The following EML6 variants were observed in gnomAD, a reference collection of about 807,000 sequenced individuals.
EML6 encodes the protein echinoderm microtubule-associated protein-like 6.
Under a neutral mutation model 240.1 loss-of-function variants are expected in EML6, and 154 were observed. The observed-to-expected ratio is 0.64, with a 90% CI of 0.56 to 0.73. EML6 has a LOEUF of 0.73. EML6 is among the 30% of genes least tolerant of loss of function. The pLI, the probability that EML6 is intolerant of heterozygous loss-of-function variation, is 0.00. For missense variants in EML6, 2,964 were observed against 2,474.6 expected (o/e 1.20, Z -4.20); for synonymous variants, 1,148 against 899.0 (o/e 1.28, Z -4.95).
rs796515025 is a variant in EML6, at chr2:54,882,873, A to AAAAAAAAAAAAAAAAAG, written c.2438+3234_2438+3235insAAAAAAAAAAAAAAAGA. On this transcript the variant is annotated intron_variant, in intron 17 of 41. Coordinates refer to ENST00000356458, the MANE Select transcript of EML6 (RefSeq NM_001039753.4). ...ACTCCGTCTCAAAAAAAAAAAAAAA[A>AAAAAAAAAAAAAAAAAG]AGAAAGCTTAGGGACACACTAAGCT... 164 of 112,310 alleles carry AAAAAAAAAAAAAAAAAG rather than the reference A, an allele frequency of 1.5e-3. 15 individuals carry two copies. Among genetic ancestry groups the AAAAAAAAAAAAAAAAAG allele is most frequent in the Middle Eastern group, 4.9e-3 (1 of 204 alleles). The allele number at this position is 112,310 out of a possible 1,614,324, so 7.0% of individuals were successfully genotyped here. A position where few individuals can be genotyped will look rare whatever the true frequency, so the allele number is the denominator to read the frequency against.
At chr2:54,812,777 A>G (rs1337014830) in intron 2 of EML6, among the ~76,000 whole-genome samples, 1 of 152,178 alleles carries the variant, frequency 6.6e-6, no homozygotes, top group Non-Finnish European at 1.5e-5. Context: ...ATGCTTTGAA[A>G]TCCTAATGAG....
intron 2 of EML6, among the ~76,000 whole-genome samples, chr2:54,809,455 G>C (rs1667712386): frequency 6.6e-6 from 1 of 152,152 alleles, no homozygotes; most frequent in Non-Finnish European, 1.5e-5. Context: ...AGGGTTCTTT[G>C]CATCACAGTC....
At chr2:54,953,005 T>C (rs1443838779) in intron 31 of EML6, among the ~76,000 whole-genome samples, 1 of 152,268 alleles carries the variant, frequency 6.6e-6, no homozygotes, top group African/African-American at 2.4e-5. Context: ...AAGCTGGTTA[T>C]TGTGCTTGGC....
chr2:54,859,950 C>T (rs1350463837), intron 12 of EML6, among the ~76,000 whole-genome samples: 1 of 152,174 alleles, frequency 6.6e-6, no homozygotes, highest in Admixed American at 6.5e-5. Flanking sequence ...TCTGCAATGT[C>T]AGAATAGGAA....
intron 16 of EML6, among the ~76,000 whole-genome samples, chr2:54,875,214 G>A (rs376720030): frequency 5.9e-5 from 9 of 152,142 alleles, no homozygotes; most frequent in African/African-American, 1.7e-4. Flanking sequence ...GAGAGATCCC[G>A]TTCTAAAACA....
rs577601549 is a variant in EML6 at position 54,971,849 on chromosome 2, T to C, written c.*1754T>C. On this transcript the variant is annotated 3_prime_UTR_variant, in exon 42 of 42. Transcript: ENST00000356458. The stretch of plus-strand genomic sequence containing the variant: ...AAAGAGCAATAGTGTCCGTGTGTCA[T>C]GAAAAACTTATTTGTAAACGTTTAT... 1 of 152,260 alleles carries C rather than the reference T, an allele frequency of 6.6e-6. No individual in the cohort carries two copies. The highest frequency in any genetic ancestry group is 1.5e-5 in the Non-Finnish European group (1 of 68,038). 9.4% of individuals were successfully genotyped at this position (152,260 alleles called of 1,614,324 possible).
chr2:54,810,148 G>A (rs1667759699), intron 2 of EML6, among the ~76,000 whole-genome samples: 1 of 152,098 alleles, frequency 6.6e-6, no homozygotes, highest in African/African-American at 2.4e-5. Flanking sequence ...TGGCAAAGGA[G>A]GACTGGAGAA....
chr2:54,906,404 G>T (rs1003871384), intron 24 of EML6, among the ~76,000 whole-genome samples: 1 of 152,156 alleles, frequency 6.6e-6, no homozygotes, highest in African/African-American at 2.4e-5. Context: ...GGGGCCTGGG[G>T]GAAGGTCTGT....
chr2:54,918,142 T>C (rs186932460), intron 26 of EML6, among the ~76,000 whole-genome samples: 6 of 152,352 alleles, frequency 3.9e-5, no homozygotes, highest in Admixed American at 3.9e-4. Flanking sequence ...CAAAGAGTTT[T>C]ATTTATTTCT....
At chr2:54,731,115 T>C (rs545447169) in intron 2 of EML6, among the ~76,000 whole-genome samples, 2 of 152,208 alleles carry the variant, frequency 1.3e-5, no homozygotes, top group South Asian at 4.1e-4. Context: ...GGTGAAGATG[T>C]AGTGGCAGAG....
chr2:54,898,970 T>A (rs1322409312), intron 21 of EML6, among the ~76,000 whole-genome samples: 1 of 152,220 alleles, frequency 6.6e-6, no homozygotes, highest in Non-Finnish European at 1.5e-5. Context: ...AAGATACAGA[T>A]ACATGGAATT....
At chr2:54,797,544 A>G (rs1032619966) in intron 2 of EML6, among the ~76,000 whole-genome samples, 1 of 152,194 alleles carries the variant, frequency 6.6e-6, no homozygotes, top group African/African-American at 2.4e-5. Flanking sequence ...TTCCTAGTGC[A>G]TGTAAAGTCA....
At chr2:54,734,922 G>A (rs556052625) in intron 2 of EML6, among the ~76,000 whole-genome samples, 2 of 152,226 alleles carry the variant, frequency 1.3e-5, no homozygotes, top group East Asian at 1.9e-4. Context: ...TGTTCTCCAC[G>A]GTCTATTATG....
At chr2:54,815,526 A>C (rs952227404) in intron 3 of EML6, among the ~76,000 whole-genome samples, 2 of 152,188 alleles carry the variant, frequency 1.3e-5, no homozygotes, top group Admixed American at 6.6e-5. Flanking sequence ...GTTTTACTTC[A>C]GTGCCCCTAT....
In EML6 at chr2:54,895,517, G is replaced by T. The variant is rs974234539; in HGVS notation, c.2982+117G>T. 6.3e-6 allele frequency: 6 copies of T among 949,856 alleles called. No individual in the cohort carries two copies. The African/African-American group carries it at 6.6e-5, about 10-fold the overall frequency. The allele number at this position is 949,856 out of a possible 1,614,324, so 58.8% of individuals were successfully genotyped here. Reference sequence around the variant, plus strand: ...GGCACTCACTCTCAGGGTTGCACAAGAGTTGAACTAGTTACCTATTGCTGT... The same window carrying T: ...GGCACTCACTCTCAGGGTTGCACAATAGTTGAACTAGTTACCTATTGCTGT... On this transcript the variant is annotated intron_variant, in intron 21 of 41. Transcript: ENST00000356458.
chr2:54,753,840 TA>T (rs1558526732), intron 2 of EML6, among the ~76,000 whole-genome samples: 1 of 151,838 alleles, frequency 6.6e-6, no homozygotes, highest in African/African-American at 2.4e-5. Context: ...TCTGGCTAAT[TA>T]AAAAAATTTT....
chr2:54,817,961 C>CCT (rs1242244640), intron 4 of EML6, among the ~76,000 whole-genome samples: 1 of 151,854 alleles, frequency 6.6e-6, no homozygotes, highest in Non-Finnish European at 1.5e-5. Context: ...GCCTGGTACC[C>CCT]CTCTCGTCCA....
intron 12 of EML6, among the ~76,000 whole-genome samples, chr2:54,861,657 A>G (rs780661903): frequency 3.3e-5 from 5 of 152,166 alleles, no homozygotes; most frequent in Non-Finnish European, 5.9e-5. Flanking sequence ...AAAACAGACA[A>G]TAGTCTGGAC....
At chr2:54,881,249 C>T (rs1466848337) in intron 17 of EML6, 2 of 152,116 alleles carry the variant, frequency 1.3e-5, no homozygotes, top group Admixed American at 1.3e-4. Context: ...ACTTAAATAT[C>T]TATTTGCATA....
Sources: gnomAD v4.1 joint callset for allele counts (sites outside exome capture counted in the v4.1 genomes callset) on GRCh38, gnomAD v4.1.1 for gene constraint, MANE v1.5 for transcripts, NCBI Gene and HGNC (gene_info 2026-07-23, HGNC 2026-07-21) for gene names.